The following RBMS2 variants were observed in gnomAD, a reference collection of about 807,000 sequenced individuals.
RBMS2 encodes the protein RNA-binding motif, single-stranded-interacting protein 2.
A neutral mutation model predicts 58.4 loss-of-function variants in RBMS2; 38 were observed. The ratio of observed to expected loss-of-function variants is 0.65; its 90% confidence interval spans 0.50 to 0.85. The LOEUF is 0.85. Among genes scored for constraint, RBMS2 ranks in the 40% least tolerant of loss-of-function variants. RBMS2 has a pLI of 0.00. For synonymous variants in RBMS2, 151 were observed against 180.7 expected (o/e 0.84, Z 1.32); for missense variants, 367 against 503.7 (o/e 0.73, Z 2.60).
intron 6 of RBMS2, 22 bp downstream of exon 6, chr12:56,581,285 C>A: frequency 6.3e-7 from 1 of 1,586,266 alleles, no homozygotes; most frequent in Non-Finnish European, 8.7e-7. Context: ...GGGGCTCAGG[C>A]TGAGAGGGCC....
At chr12:56,573,500 A>AAAG (rs1250675731) in intron 5 of RBMS2, among the ~76,000 whole-genome samples, 40 of 144,908 alleles carry the variant, frequency 2.8e-4, no homozygotes, top group South Asian at 6.5e-4. Flanking sequence ...AAAAAAAAAA[A>AAAG]AAGAAGAAGA....
At position 56,548,416 on chromosome 12, in the gene RBMS2, C is replaced by T. The variant is rs556252671; in HGVS notation, c.67-14001C>T. 6.1e-5 allele frequency among the ~76,000 whole-genome samples: 9 copies of T among 147,680 alleles called. No individual in the cohort carries two copies. In the South Asian group the frequency reaches 1.9e-3, roughly 32 times the overall value. The stretch of plus-strand genomic sequence containing the variant: ...GAGCTGAGATTGTGCCACTGCACTC[C>T]AGCCTGGGCAACAGAGTAAAACTCT... On this transcript the variant is annotated intron_variant, in intron 1 of 13. Transcript: ENST00000262031.
At chr12:56,545,737 CACATT>C (rs1877047161) in intron 1 of RBMS2, among the ~76,000 whole-genome samples, 1 of 152,176 alleles carries the variant, frequency 6.6e-6, no homozygotes, top group Non-Finnish European at 1.5e-5. Context: ...GGGCTTACTT[CACATT>C]GTACCATGTA....
intron 1 of RBMS2, among the ~76,000 whole-genome samples, chr12:56,557,439 A>G (rs1879433999): frequency 6.6e-6 from 1 of 152,140 alleles, no homozygotes; most frequent in Non-Finnish European, 1.5e-5. Context: ...GTACGTGAGA[A>G]TAGCAAGAGA....
chr12:56,551,742 T>A (rs973032510), intron 1 of RBMS2, among the ~76,000 whole-genome samples: 5 of 152,206 alleles, frequency 3.3e-5, no homozygotes, highest in Non-Finnish European at 7.3e-5. Context: ...GATGTATATA[T>A]GTTGAATGCT....
At chr12:56,587,491 T>A in intron 10 of RBMS2, 63 bp from the exon 11 acceptor site, 1 of 1,546,352 alleles carries the variant, frequency 6.5e-7, no homozygotes, top group African/African-American at 1.4e-5. Flanking sequence ...CAGCCACCGA[T>A]CACTGCTTTA....
chr12:56,546,658 A>G (rs1043969768), intron 1 of RBMS2, among the ~76,000 whole-genome samples: 1 of 151,766 alleles, frequency 6.6e-6, no homozygotes, highest in East Asian at 1.9e-4. Flanking sequence ...TAGTAGAGAC[A>G]GAACTTCACC....
At chr12:56,545,656 T>C (rs1441418678) in intron 1 of RBMS2, among the ~76,000 whole-genome samples, 1 of 152,196 alleles carries the variant, frequency 6.6e-6, no homozygotes, top group Non-Finnish European at 1.5e-5. Context: ...ATTCTGGACA[T>C]TTTATATAGA....
At chr12:56,584,156 G>T (rs1884345782) in intron 9 of RBMS2, among the ~76,000 whole-genome samples, 1 of 152,184 alleles carries the variant, frequency 6.6e-6, no homozygotes, top group Admixed American at 6.5e-5. Flanking sequence ...ATTTGGCCAG[G>T]TGTGATGGCT....
intron 5 of RBMS2, among the ~76,000 whole-genome samples, chr12:56,573,738 T>G (rs1383974197): frequency 4.0e-5 from 6 of 151,206 alleles, no homozygotes; most frequent in Non-Finnish European, 7.4e-5. Flanking sequence ...ATTAAGTAAC[T>G]GAATGGTCCA....
At chr12:56,564,615 C>T (rs1314017152) in intron 2 of RBMS2, among the ~76,000 whole-genome samples, 4 of 152,198 alleles carry the variant, frequency 2.6e-5, no homozygotes, top group Non-Finnish European at 5.9e-5. Flanking sequence ...CCTCCTGCCT[C>T]GGCCTCCCCA....
intron 1 of RBMS2, among the ~76,000 whole-genome samples, chr12:56,545,746 C>A (rs573805020): frequency 2.6e-5 from 4 of 152,220 alleles, no homozygotes; most frequent in African/African-American, 9.6e-5. Context: ...TCACATTGTA[C>A]CATGTATCAG....
At chr12:56,542,530 CT>C (rs11295563) in intron 1 of RBMS2, among the ~76,000 whole-genome samples, 115,480 of 124,274 alleles carry the variant, frequency 0.93, 53,906 homozygotes, top group East Asian at 0.98. Context: ...CCTGTGTTTC[CT>C]TTTTTTTTTT....
chr12:56,532,921 TTTTTATTTTATTTTA>T (rs148516758), intron 1 of RBMS2, among the ~76,000 whole-genome samples: 1 of 150,214 alleles, frequency 6.7e-6, no homozygotes, highest in African/African-American at 2.4e-5. Flanking sequence ...ACTCTCTTGC[TTTTTATTTTATTTTA>T]TTTTATTTTA....
chr12:56,552,208 T>G (rs1878394144), intron 1 of RBMS2, among the ~76,000 whole-genome samples: 1 of 152,200 alleles, frequency 6.6e-6, no homozygotes, highest in Non-Finnish European at 1.5e-5. Context: ...TTTCACTGAT[T>G]TTTTTGTGTG....
At position 56,581,438 on chromosome 12, in the gene RBMS2, G is replaced by A; in HGVS notation, c.662G>A (p.Gly221Glu). The change falls in exon 7 of 14, where the codon GGG becomes GAG. Residue 221 changes from glycine (G) to glutamate (E), a missense_variant. Physicochemically the swap from Gly to Glu is moderately conservative, Grantham distance 98 (BLOSUM62 -2). Coordinates refer to ENST00000262031, the MANE Select transcript of RBMS2 (RefSeq NM_002898.4). ...DPLLCKFADG[G>E]PKKRQNQGKF... ...TTGCTTTGCAAATTTGCTGATGGCG[G>A]GCCAAAGAAACGACAGAACCAAGGA... The A allele has an allele frequency of 6.2e-7, 1 of 1,614,210 alleles. No individual in the cohort carries two copies. Among genetic ancestry groups the A allele is most frequent in the Non-Finnish European group, 8.5e-7 (1 of 1,180,046 alleles).
chr12:56,582,458 A>G (rs565455702), intron 9 of RBMS2, among the ~76,000 whole-genome samples: 2 of 152,232 alleles, frequency 1.3e-5, no homozygotes, highest in Non-Finnish European at 2.9e-5. Flanking sequence ...GGAGTTGTTT[A>G]TTTTACAAAA....
intron 11 of RBMS2, 70 bp from the exon 12 acceptor site, chr12:56,588,224 A>C: frequency 8.1e-7 from 1 of 1,228,156 alleles, no homozygotes. Flanking sequence ...TATTTTTTTT[A>C]AAGCCCCTCA....
intron 1 of RBMS2, among the ~76,000 whole-genome samples, chr12:56,548,098 T>A (rs943235712): frequency 1.3e-5 from 2 of 152,146 alleles, no homozygotes; most frequent in African/African-American, 4.8e-5. Context: ...CATACACCAT[T>A]CATCTATGAG....
Sources: gnomAD v4.1 joint callset for allele counts (sites outside exome capture counted in the v4.1 genomes callset) on GRCh38, gnomAD v4.1.1 for gene constraint, MANE v1.5 for transcripts, NCBI Gene and HGNC (gene_info 2026-07-23, HGNC 2026-07-21) for gene names.